The following ANKS1B variants were observed in gnomAD, a reference collection of about 807,000 sequenced individuals.
The protein encoded by ANKS1B is ankyrin repeat and sterile alpha motif domain-containing protein 1B.
ANKS1B carries 36 observed loss-of-function variants against 148.3 expected under a neutral mutation model. The ratio of observed to expected loss-of-function variants is 0.24; its 90% CI spans 0.19 to 0.32. ANKS1B has a LOEUF of 0.32. ANKS1B is among the 10% of genes least tolerant of loss of function. The probability of loss-of-function intolerance (pLI) is 1.00; values close to 1 mark genes in which losing one functional copy is unlikely to be tolerated. For missense variants in ANKS1B, 1,157 were observed against 1,542.6 expected (o/e 0.75, Z 4.19); for synonymous variants, 542 against 560.8 (o/e 0.97, Z 0.47).
At chr12:99,092,893 T>C (rs955076089) in intron 15 of ANKS1B, among the ~76,000 whole-genome samples, 1 of 152,196 alleles carries the variant, frequency 6.6e-6, no homozygotes, top group Non-Finnish European at 1.5e-5. Context: ...ATAGGTGGTA[T>C]TATTTTCATC....
At chr12:99,049,269 A>G (rs541037441) in intron 17 of ANKS1B, among the ~76,000 whole-genome samples, 1 of 152,234 alleles carries the variant, frequency 6.6e-6, no homozygotes, top group South Asian at 2.1e-4. Flanking sequence ...GGTTATGAGC[A>G]TAAGTTACCA....
chr12:99,792,418 C>A (rs1272543865), intron 4 of ANKS1B, among the ~76,000 whole-genome samples: 1 of 151,620 alleles, frequency 6.6e-6, no homozygotes, highest in African/African-American at 2.4e-5. Flanking sequence ...TGATACTATA[C>A]CCCAAGACAC....
chr12:99,531,818 C>T (rs1024536927), intron 9 of ANKS1B, among the ~76,000 whole-genome samples: 4 of 152,188 alleles, frequency 2.6e-5, no homozygotes, highest in Non-Finnish European at 5.9e-5. Flanking sequence ...ACATTCCCAC[C>T]AACAGTTTAT....
At chr12:99,975,299 A>T (rs1294275419) in intron 1 of ANKS1B, among the ~76,000 whole-genome samples, 1 of 152,180 alleles carries the variant, frequency 6.6e-6, no homozygotes, top group Non-Finnish European at 1.5e-5. Flanking sequence ...ATACGAAAAG[A>T]GCTGCTTCTT....
chr12:99,650,484 A>G (rs2098412170), intron 9 of ANKS1B, among the ~76,000 whole-genome samples: 2 of 152,196 alleles, frequency 1.3e-5, no homozygotes, highest in Admixed American at 1.3e-4. Flanking sequence ...TACTTTCCAG[A>G]AAGGGCTTAA....
rs183933381 is a variant in ANKS1B at position 99,583,418 on chromosome 12, T to C, written c.1272+71649A>G. 3.3e-5 allele frequency among the ~76,000 whole-genome samples: 5 copies of C among 152,334 alleles called. No individual in the cohort carries two copies. The East Asian group carries it at 7.7e-4, about 23-fold the overall frequency. ...TAAACATTTAAGATTCTCAGTGTGC[T>C]AGGTACTGTGCATAATGCAGTGGCT... is the stretch of plus-strand genomic sequence containing the variant. On this transcript the variant is annotated intron_variant, in intron 9 of 26. Coordinates refer to ENST00000683438, the MANE Select transcript of ANKS1B (RefSeq NM_001352186.2).
chr12:99,672,016 G>T (rs2098540579), intron 8 of ANKS1B, among the ~76,000 whole-genome samples: 1 of 151,994 alleles, frequency 6.6e-6, no homozygotes, highest in African/African-American at 2.4e-5. Context: ...AAGTGGAAAA[G>T]AATTTTTCAG....
chr12:98,876,654 G>T (rs375550121), intron 17 of ANKS1B, among the ~76,000 whole-genome samples: 21 of 152,296 alleles, frequency 1.4e-4, no homozygotes, highest in South Asian at 1.2e-3. Flanking sequence ...GGCTAAAGTG[G>T]TTATCTTTGG....
In ANKS1B at chr12:98,751,475, G is replaced by A. The variant is rs368912180; in HGVS notation, c.3627C>T (p.Val1209=). The change falls in exon 26 of 27, where the codon GTC becomes GTT. Residue 1209 remains valine (V), a synonymous_variant. Coordinates refer to ENST00000683438, the MANE Select transcript of ANKS1B (RefSeq NM_001352186.2). This position sits in a 1 kb window ranked among gnomAD's most constrained non-coding sequence, Gnocchi z 4.3. ...TTGCTTGTAGTGCTAGCTGGTAAGC[G>A]ACTTCGAATGCCTGTCCCAGGGTTA... ...IILTLGQAFE[V]AYQLALQARK... is the part of the protein sequence containing the mutation. 2.4e-5 allele frequency: 39 copies of A among 1,613,850 alleles called. No homozygotes were observed. The highest frequency in any genetic ancestry group is 6.7e-5 in the African/African-American group (5 of 74,904).
intron 8 of ANKS1B, among the ~76,000 whole-genome samples, chr12:99,749,896 T>C (rs2060943302): frequency 6.6e-6 from 1 of 151,842 alleles, no homozygotes; most frequent in South Asian, 2.1e-4. Flanking sequence ...GCAAATCAAA[T>C]GAAAGCAAAT....
chr12:98,806,368 A>C (rs556476567), intron 20 of ANKS1B, among the ~76,000 whole-genome samples: 1 of 152,226 alleles, frequency 6.6e-6, no homozygotes, highest in Non-Finnish European at 1.5e-5. Flanking sequence ...CTTTTCTATG[A>C]GGACTGCTCC....
intron 14 of ANKS1B, among the ~76,000 whole-genome samples, chr12:99,204,532 T>C (rs2082411050): frequency 6.6e-6 from 1 of 152,254 alleles, no homozygotes; most frequent in African/African-American, 2.4e-5. Context: ...TTTAGTTTTA[T>C]GCTTTTTAGA....
chr12:99,954,213 T>A (rs1030628033), intron 1 of ANKS1B, among the ~76,000 whole-genome samples: 1 of 152,348 alleles, frequency 6.6e-6, no homozygotes, highest in East Asian at 1.9e-4. Flanking sequence ...AAGGACTTCC[T>A]TTTGTATTTT....
intron 17 of ANKS1B, among the ~76,000 whole-genome samples, chr12:98,905,846 A>G (rs748882588): frequency 6.6e-6 from 1 of 152,170 alleles, no homozygotes; most frequent in South Asian, 2.1e-4. Flanking sequence ...TACCAAGTGG[A>G]TAAAAAAAAA....
At chr12:98,976,226 G>T (rs1319527017) in intron 17 of ANKS1B, among the ~76,000 whole-genome samples, 3 of 152,170 alleles carry the variant, frequency 2.0e-5, no homozygotes, top group Non-Finnish European at 4.4e-5. Context: ...TGCAGCCTGG[G>T]GGATGGGGAG....
chr12:98,875,340 A>C (rs201378), intron 17 of ANKS1B, among the ~76,000 whole-genome samples: 57,913 of 151,642 alleles, frequency 0.38, 11,699 homozygotes, highest in African/African-American at 0.5. Context: ...CTGTTTAAAA[A>C]CCTCCAGTGG....
intron 14 of ANKS1B, among the ~76,000 whole-genome samples, chr12:99,187,206 G>A (rs1031385116): frequency 1.3e-5 from 2 of 151,692 alleles, no homozygotes; most frequent in African/African-American, 2.4e-5. Context: ...CCAAACCTAC[G>A]TTTGGTTGGT....
Position 99,806,325 on chromosome 12 carries a change from C to T in ANKS1B, c.669+79G>A, listed in dbSNP as rs575451050. The T allele has an allele frequency of 9.9e-5, 152 of 1,528,816 alleles. No individual in the cohort carries two copies. The South Asian group carries it at 1.6e-3, about 17-fold the overall frequency. 94.7% of individuals were successfully genotyped at this position (1,528,816 alleles called of 1,614,324 possible). ...GAACAATTTGATTAAAAGATTTCTA[C>T]ATACAGGTTTTCACATTTGAATCCC... is the stretch of plus-strand genomic sequence containing the variant. On this transcript the variant is annotated intron_variant, in intron 4 of 26. Transcript: ENST00000683438.
chr12:98,876,764 T>G (rs1201231052), intron 17 of ANKS1B, among the ~76,000 whole-genome samples: 1 of 152,210 alleles, frequency 6.6e-6, no homozygotes, highest in Non-Finnish European at 1.5e-5. Flanking sequence ...TACCAAACTT[T>G]TTAGTTACAT....
Sources: gnomAD v4.1 joint callset for allele counts (sites outside exome capture counted in the v4.1 genomes callset) on GRCh38, gnomAD v4.1.1 for gene constraint, Gnocchi (gnomAD v3.1) non-coding constraint, MANE v1.5 for transcripts, NCBI Gene and HGNC (gene_info 2026-07-23, HGNC 2026-07-21) for gene names.